PKP2: variants seen among roughly 807,000 people sequenced by gnomAD.
PKP2 encodes plakophilin 2.
A neutral mutation model predicts 83.4 loss-of-function variants in PKP2; 73 were observed. The observed-to-expected ratio is 0.88, with a 90% CI of 0.72 to 1.06. The LOEUF is 1.06. PKP2 is among the 50% of genes least tolerant of loss of function. PKP2 has a pLI of 0.00. For missense variants in PKP2, 966 were observed against 1,065.4 expected (o/e 0.91, Z 1.30); for synonymous variants, 409 against 430.4 (o/e 0.95, Z 0.62).
rs1956071979 is a variant in PKP2, at chr12:32,792,030, T to C, written c.*394A>G. ...GCCCAATGGCGAAGCAATGTGCACATGAGTGACAAAACATGGGAACCAGAA... is the reference window on the plus strand; with the variant it reads ...GCCCAATGGCGAAGCAATGTGCACACGAGTGACAAAACATGGGAACCAGAA... On this transcript the variant is annotated 3_prime_UTR_variant, in exon 13 of 13. Coordinates refer to ENST00000340811, the MANE Select transcript of PKP2 (RefSeq NM_001005242.3). 1.2e-5 allele frequency: 4 copies of C among 328,122 alleles called. No homozygotes were observed. In the East Asian group the frequency reaches 2.4e-4, roughly 20 times the overall value. The allele number at this position is 328,122 out of a possible 1,614,324, so 20.3% of individuals were successfully genotyped here.
chr12:32,837,271 C>T (rs192277793), intron 6 of PKP2, among the ~76,000 whole-genome samples: 3 of 152,272 alleles, frequency 2.0e-5, no homozygotes, highest in East Asian at 1.9e-4. Context: ...CTAAGACCTT[C>T]GAATTTGAAG....
rs555385941 is a variant in PKP2, at chr12:32,834,963, G to A, written c.1556+6065C>T. Reference sequence around the variant, plus strand: ...CACACTAAATTAAAAAAAAAAAAGGGACTCACAATAGGCGTGTGTGTGTGT... The same window carrying A: ...CACACTAAATTAAAAAAAAAAAAGGAACTCACAATAGGCGTGTGTGTGTGT... On this transcript the variant is annotated intron_variant, in intron 6 of 12. Transcript: ENST00000340811. Among the ~76,000 whole-genome samples, 542 of 128,628 alleles carry A rather than the reference G, an allele frequency of 4.2e-3. 5 individuals are homozygous for A. Among genetic ancestry groups the A allele is most frequent in the African/African-American group, 0.015 (523 of 34,980 alleles). 84.4% of individuals were successfully genotyped at this position (128,628 alleles called of 152,430 possible).
At chr12:32,814,512 C>T (rs533893630) in intron 9 of PKP2, among the ~76,000 whole-genome samples, 4 of 152,254 alleles carry the variant, frequency 2.6e-5, no homozygotes, top group South Asian at 2.1e-4. Context: ...TTCTCTTCAG[C>T]CTCATCAAGA....
intron 6 of PKP2, among the ~76,000 whole-genome samples, chr12:32,825,885 C>T (rs895160920): frequency 1.3e-5 from 2 of 152,002 alleles, no homozygotes; most frequent in African/African-American, 4.8e-5. Flanking sequence ...CAGAGTAAGA[C>T]CCTGTCTAAA....
intron 6 of PKP2, among the ~76,000 whole-genome samples, chr12:32,831,363 T>C (rs1956499945): frequency 6.6e-6 from 1 of 152,256 alleles, no homozygotes; most frequent in Non-Finnish European, 1.5e-5. Flanking sequence ...ATTTTGATTA[T>C]GATGATAGTC....
intron 9 of PKP2, among the ~76,000 whole-genome samples, chr12:32,814,932 A>G (rs191435959): frequency 1.3e-5 from 2 of 152,208 alleles, no homozygotes; most frequent in East Asian, 3.9e-4. Context: ...CTTAAAAAAA[A>G]AAAAATTCCA....
chr12:32,870,654 CAGAGA>C (rs1956888004), intron 3 of PKP2, among the ~76,000 whole-genome samples: 1 of 152,142 alleles, frequency 6.6e-6, no homozygotes, highest in Non-Finnish European at 1.5e-5. Context: ...GAGGCCTTTA[CAGAGA>C]AGTCAAAACT....
intron 4 of PKP2, among the ~76,000 whole-genome samples, chr12:32,858,084 A>C (rs886691561): frequency 1.5e-5 from 1 of 67,026 alleles, no homozygotes; most frequent in Admixed American, 2.4e-4. Flanking sequence ...AAAAAAAAAA[A>C]ATATATATAT....
intron 11 of PKP2, among the ~76,000 whole-genome samples, chr12:32,794,434 A>G (rs1169131102): frequency 2.6e-5 from 4 of 152,220 alleles, no homozygotes; most frequent in African/African-American, 9.6e-5. Flanking sequence ...GTAAGGAAAG[A>G]GCAGCAGACA....
chr12:32,858,133 T>TA (rs1349880840), intron 4 of PKP2, among the ~76,000 whole-genome samples: 2 of 99,234 alleles, frequency 2.0e-5, no homozygotes, highest in African/African-American at 8.5e-5. Flanking sequence ...ATATTTTATA[T>TA]TTATATATAT....
intron 9 of PKP2, among the ~76,000 whole-genome samples, chr12:32,819,568 G>A (rs1290968212): frequency 6.6e-6 from 1 of 152,066 alleles, no homozygotes; most frequent in Non-Finnish European, 1.5e-5. Flanking sequence ...ATCCCAGTAA[G>A]ACTATTACCC....
intron 10 of PKP2, among the ~76,000 whole-genome samples, chr12:32,796,548 AATTTTTTT>A (rs1235850370): frequency 1.3e-5 from 2 of 151,970 alleles, no homozygotes; most frequent in East Asian, 1.9e-4. Context: ...ACGCCTGGCT[AATTTTTTT>A]ATTTTTTTAT....
chr12:32,843,888 A>T (rs1956623376), intron 5 of PKP2, among the ~76,000 whole-genome samples: 1 of 152,230 alleles, frequency 6.6e-6, no homozygotes, highest in Non-Finnish European at 1.5e-5. Context: ...GAAATGAAGA[A>T]AAAAAACAAA....
At chr12:32,826,293 T>C (rs1196961827) in intron 6 of PKP2, among the ~76,000 whole-genome samples, 2 of 111,804 alleles carry the variant, frequency 1.8e-5, no homozygotes, top group Admixed American at 2.5e-4. Flanking sequence ...GTGACAAAGC[T>C]AGACACCGTC....
rs530301138 is a variant in PKP2, at chr12:32,859,713, C to T, written c.1171-8740G>A. Reference sequence around the variant, plus strand: ...TCAGGTCATCTGCCTGCCTTGGCCTCCCAAAGTTCTGGGATTACAGGTATG... The same window carrying T: ...TCAGGTCATCTGCCTGCCTTGGCCTTCCAAAGTTCTGGGATTACAGGTATG... On this transcript the variant is annotated intron_variant, in intron 4 of 12. Transcript: ENST00000340811. 4.6e-5 allele frequency among the ~76,000 whole-genome samples: 7 copies of T among 152,248 alleles called. No homozygotes were observed. In the South Asian group the frequency reaches 1.5e-3, roughly 32 times the overall value.
chr12:32,819,857 C>T (rs1041898725), intron 9 of PKP2, among the ~76,000 whole-genome samples: 1 of 147,676 alleles, frequency 6.8e-6, no homozygotes, highest in African/African-American at 2.5e-5. Context: ...CCACAGCAAG[C>T]TTACACACAC....
At chr12:32,815,071 T>C (rs1439564674) in intron 9 of PKP2, among the ~76,000 whole-genome samples, 1 of 152,202 alleles carries the variant, frequency 6.6e-6, no homozygotes. Context: ...GGGCGAACAA[T>C]GCATTTGCAG....
At position 32,791,753 on chromosome 12, in the gene PKP2, G is replaced by A. The variant is rs191280908; in HGVS notation, c.*671C>T. ...TATTTTTTATTTTACTTTAAGTTCT[G>A]GGAGGAAAAGACTTCTTTAATTTGC... On this transcript the variant is annotated 3_prime_UTR_variant, in exon 13 of 13. Coordinates refer to ENST00000340811, the MANE Select transcript of PKP2 (RefSeq NM_001005242.3). 6.6e-6 allele frequency: 1 copy of A among 152,104 alleles called. No individual in the cohort carries two copies. The highest frequency in any genetic ancestry group is 2.4e-5 in the African/African-American group (1 of 41,496). 9.4% of individuals were successfully genotyped at this position (152,104 alleles called of 1,614,324 possible). A position where few individuals can be genotyped will look rare whatever the true frequency, so the allele number is the denominator to read the frequency against.
intron 3 of PKP2, 108 bp from the exon 4 acceptor site, chr12:32,869,170 C>T: frequency 7.6e-7 from 1 of 1,309,004 alleles, no homozygotes; most frequent in Non-Finnish European, 1.1e-6. Flanking sequence ...ACTAGAACAT[C>T]TGAACCTTGG....
Sources: gnomAD v4.1 joint callset for allele counts (sites outside exome capture counted in the v4.1 genomes callset) on GRCh38, gnomAD v4.1.1 for gene constraint, MANE v1.5 for transcripts, NCBI Gene and HGNC (gene_info 2026-07-23, HGNC 2026-07-21) for gene names.